Variants in GMCL1 observed in about 807,000 individuals in gnomAD.
GMCL1 encodes germ cell-less protein-like 1.
A neutral mutation model predicts 75.5 loss-of-function variants in GMCL1; 54 were observed. The ratio of observed to expected loss-of-function variants is 0.71; its 90% CI spans 0.57 to 0.90. The LOEUF (loss-of-function observed/expected upper bound fraction) is 0.90, where lower values mean the gene tolerates loss of function less well. Among genes scored for constraint, GMCL1 ranks in the 40% least tolerant of loss-of-function variants. The pLI is 0.00. For synonymous variants in GMCL1, 210 were observed against 209.6 expected (o/e 1.00, Z -0.02); for missense variants, 537 against 622.7 (o/e 0.86, Z 1.47).
chr2:69,841,442 A>G (rs1374028556), intron 4 of GMCL1, among the ~76,000 whole-genome samples: 1 of 152,256 alleles, frequency 6.6e-6, no homozygotes. Context: ...TTTTGAAAGA[A>G]TTGTGTATAA....
intron 9 of GMCL1, among the ~76,000 whole-genome samples, chr2:69,855,872 C>T (rs900846764): frequency 7.2e-4 from 110 of 152,124 alleles, no homozygotes; most frequent in African/African-American, 2.5e-3. Context: ...ATTACATATG[C>T]CGCTCTAACT....
intron 1 of GMCL1, among the ~76,000 whole-genome samples, chr2:69,837,005 A>G (rs1674836144): frequency 6.6e-6 from 1 of 152,228 alleles, no homozygotes; most frequent in African/African-American, 2.4e-5. Flanking sequence ...CTAAGGTTGC[A>G]AACCGTTTGT....
In GMCL1 at chr2:69,871,785, T is replaced by A; in HGVS notation, c.1405T>A (p.Cys469Ser). 6.3e-7 allele frequency: 1 copy of A among 1,593,702 alleles called. No homozygotes were observed. Among genetic ancestry groups the A allele is most frequent in the Non-Finnish European group, 8.6e-7 (1 of 1,167,842 alleles). Residue 469 changes from cysteine (C) to serine (S), a missense_variant, in exon 13 of 14, where the codon TGT (cysteine) becomes AGT (serine). Coordinates refer to ENST00000282570, the MANE Select transcript of GMCL1 (RefSeq NM_178439.5). ...TTTTGATAGTAGTGGAAAACTAATA[T>A]GTAGTAGAACAACTGGCTATCAAAT... ...ASFDSSGKLI[C>S]SRTTGYQILT...
intron 11 of GMCL1, among the ~76,000 whole-genome samples, chr2:69,867,867 A>G (rs1675866488): frequency 6.6e-6 from 1 of 152,100 alleles, no homozygotes; most frequent in Non-Finnish European, 1.5e-5. Flanking sequence ...AGCTGAGGTA[A>G]CTCATACCTT....
At chr2:69,847,769 T>C in intron 7 of GMCL1, 142 bp downstream of exon 7, 1 of 479,206 alleles carries the variant, frequency 2.1e-6, no homozygotes, top group Non-Finnish European at 3.7e-6. Flanking sequence ...CCTTAAAAAG[T>C]CTTTATATTT....
intron 8 of GMCL1, among the ~76,000 whole-genome samples, chr2:69,854,525 T>G (rs1309627086): frequency 1.3e-5 from 2 of 152,156 alleles, no homozygotes; most frequent in Non-Finnish European, 2.9e-5. Flanking sequence ...TAATCCTAAG[T>G]ACCTTTCTCA....
intron 12 of GMCL1, 63 bp from the exon 13 acceptor site, chr2:69,871,680 AAG>A: frequency 1.2e-6 from 1 of 817,420 alleles, no homozygotes; most frequent in South Asian, 1.7e-5. Context: ...GAAAGTAAGG[AAG>A]AGCTTGTTTA....
In GMCL1 at chr2:69,849,728, C is replaced by A; in HGVS notation, c.920C>A (p.Ser307Tyr). Residue 307 changes from serine to tyrosine, a missense_variant, in exon 8 of 14, where the codon TCT (serine) becomes TAT (tyrosine). This residue lies in a region of GMCL1 where 345 missense variants were observed against 410.5 expected (regional missense o/e 0.84). Coordinates refer to ENST00000282570, the MANE Select transcript of GMCL1 (RefSeq NM_178439.5). ...QLLTETDVWF[S>Y]KQRKDFEGMA... ...TTGACAGAAACAGATGTCTGGTTTT[C>A]TAAACAGAGGAAAGGTAGGCCTGAA... The A allele has an allele frequency of 6.3e-7, 1 of 1,583,968 alleles. No homozygotes were observed. The highest frequency in any genetic ancestry group is 8.6e-7 in the Non-Finnish European group (1 of 1,166,782).
rs1003777573 is a variant in GMCL1, at chr2:69,881,146, G to T, written c.*2142G>T. 1 of 152,172 alleles carries T rather than the reference G, an allele frequency of 6.6e-6. No homozygotes were observed. The highest frequency in any genetic ancestry group is 1.5e-5 in the Non-Finnish European group (1 of 68,028). 9.4% of individuals were successfully genotyped at this position (152,172 alleles called of 1,614,324 possible). A position where few individuals can be genotyped will look rare whatever the true frequency, so the allele number is the denominator to read the frequency against. On this transcript the variant is annotated 3_prime_UTR_variant, in exon 14 of 14. Coordinates refer to ENST00000282570, the MANE Select transcript of GMCL1 (RefSeq NM_178439.5). ...GGATTTATATGTGGTTTCATCCATTGGTTCTGTCCTGGCCAAGTTGCTTAT... is the reference window on the plus strand; with the variant it reads ...GGATTTATATGTGGTTTCATCCATTTGTTCTGTCCTGGCCAAGTTGCTTAT...
intron 11 of GMCL1, 87 bp downstream of exon 11, chr2:69,865,062 G>C: frequency 2.1e-6 from 2 of 973,552 alleles, no homozygotes; most frequent in Non-Finnish European, 3.2e-6. Flanking sequence ...CATGACACCT[G>C]TCATACCTCA....
chr2:69,879,085 C>T lies in GMCL1; in HGVS notation c.*81C>T. 1 of 839,676 alleles carries T rather than the reference C, an allele frequency of 1.2e-6. No individual in the cohort carries two copies. Among genetic ancestry groups the T allele is most frequent in the Non-Finnish European group, 2.0e-6 (1 of 505,590 alleles). The allele number at this position is 839,676 out of a possible 1,614,324, so 52.0% of individuals were successfully genotyped here. A position where few individuals can be genotyped will look rare whatever the true frequency, so the allele number is the denominator to read the frequency against. On this transcript the variant is annotated 3_prime_UTR_variant, in exon 14 of 14. Transcript: ENST00000282570. ...GTAGCACTTTGAAAACTTTTTAGGC[C>T]AGCTTTAATTTAATGGCCCTACTGA...
At chr2:69,858,522 A>G (rs956048781) in intron 9 of GMCL1, among the ~76,000 whole-genome samples, 3 of 152,216 alleles carry the variant, frequency 2.0e-5, no homozygotes, top group Non-Finnish European at 4.4e-5. Context: ...AGATGATTGC[A>G]TACAAACATA....
intron 9 of GMCL1, 41 bp downstream of exon 9, chr2:69,855,001 G>T (rs780423748): frequency 6.4e-5 from 89 of 1,392,608 alleles, no homozygotes; most frequent in Non-Finnish European, 8.4e-5. Context: ...ATATATTTCT[G>T]ATTATAAAGT....
At chr2:69,874,122 A>G (rs1676059273) in intron 13 of GMCL1, among the ~76,000 whole-genome samples, 1 of 152,040 alleles carries the variant, frequency 6.6e-6, no homozygotes, top group Non-Finnish European at 1.5e-5. Flanking sequence ...TATAGGAAAT[A>G]TACATATATC....
At chr2:69,869,249 C>CAA (rs35609593) in intron 11 of GMCL1, among the ~76,000 whole-genome samples, 20 of 79,312 alleles carry the variant, frequency 2.5e-4, no homozygotes, top group Admixed American at 2.1e-3. Flanking sequence ...ACCTCTGTCT[C>CAA]AAAAAAAAAA....
In GMCL1 at chr2:69,871,756, C is replaced by T. The variant is rs540353034; in HGVS notation, c.1376C>T (p.Ala459Val). The T allele has an allele frequency of 7.8e-6, 12 of 1,543,848 alleles. No individual in the cohort carries two copies. In the East Asian group the frequency reaches 2.7e-4, roughly 35 times the overall value. Reference sequence around the variant, plus strand: ...TTTTTTAATCCTAGATTACGTTTGGCTTCTTTTGATAGTAGTGGAAAACTA... The same window carrying T: ...TTTTTTAATCCTAGATTACGTTTGGTTTCTTTTGATAGTAGTGGAAAACTA... The part of the protein sequence containing the change: ...RRSIAFRLRL[A>V]SFDSSGKLIC... Residue 459 changes from alanine (A) to valine (V), a missense_variant, in exon 13 of 14, where the codon GCT becomes GTT. This residue lies in a region of GMCL1 where 345 missense variants were observed against 410.5 expected (regional missense o/e 0.84). Transcript: ENST00000282570.
intron 8 of GMCL1, among the ~76,000 whole-genome samples, chr2:69,852,945 A>G (rs1258250457): frequency 6.6e-6 from 1 of 152,236 alleles, no homozygotes; most frequent in Non-Finnish European, 1.5e-5. Flanking sequence ...TTTCTACACA[A>G]TTATACTTAA....
rs1675431574 is a variant in GMCL1 at position 69,855,064 on chromosome 2, C to CA, written c.1072+109dup. On this transcript the variant is annotated intron_variant, in intron 9 of 13. Transcript: ENST00000282570. ...AAGAAGTAGAAATTATTATTAATCC[C>CA]AAAAAGGTATACATCTTTATGCCAA... The CA allele has an allele frequency of 1.1e-5, 10 of 931,854 alleles. No homozygotes were observed. In the South Asian group the frequency reaches 1.4e-4, roughly 13 times the overall value. 57.7% of individuals were successfully genotyped at this position (931,854 alleles called of 1,614,324 possible).
rs768852810 is a variant in GMCL1 at position 69,876,194 on chromosome 2, AT to A, written c.1453-2712del. Among the ~76,000 whole-genome samples the A allele has an allele frequency of 2.9e-4, 44 of 152,368 alleles. No individual in the cohort carries two copies. In the Middle Eastern group the frequency reaches 0.014, roughly 47 times the overall value. ...AAGATATGATAATGGCAATAAAACAATTTATGATTATATAGCTATAATTCAG... is the reference window on the plus strand; with the variant it reads ...AAGATATGATAATGGCAATAAAACAATTATGATTATATAGCTATAATTCAG... On this transcript the variant is annotated intron_variant, in intron 13 of 13. Coordinates refer to ENST00000282570, the MANE Select transcript of GMCL1 (RefSeq NM_178439.5).
Sources: allele counts gnomAD v4.1 joint callset (sites outside exome capture counted in the v4.1 genomes callset), GRCh38; gene constraint gnomAD v4.1.1; regional missense constraint gnomAD v4.1.1; transcripts MANE v1.5; gene names NCBI Gene and HGNC (gene_info 2026-07-23, HGNC 2026-07-21).